ARHGAP23: variants seen among roughly 807,000 people sequenced by gnomAD.
ARHGAP23 encodes the protein Rho GTPase activating protein 23.
In ARHGAP23, 34 loss-of-function variants were observed where a neutral mutation model predicts 136.3. The observed-to-expected ratio is 0.25, with a 90% CI of 0.19 to 0.33. The LOEUF is 0.33. Among genes scored for constraint, ARHGAP23 ranks in the 10% least tolerant of loss-of-function variants. The pLI is 1.00. For missense variants in ARHGAP23, 1,808 were observed against 2,139.0 expected (o/e 0.85, Z 3.05); for synonymous variants, 832 against 920.5 (o/e 0.90, Z 1.74).
intron 16 of ARHGAP23, among the ~76,000 whole-genome samples, chr17:38,484,062 G>A (rs1485153528): frequency 6.6e-6 from 1 of 152,146 alleles, no homozygotes; most frequent in Non-Finnish European, 1.5e-5. Flanking sequence ...GGCATCGTGA[G>A]AACAAAGTTC....
intron 1 of ARHGAP23, among the ~76,000 whole-genome samples, chr17:38,422,123 C>T (rs558057159): frequency 1.3e-5 from 2 of 152,280 alleles, no homozygotes; most frequent in South Asian, 4.2e-4. Context: ...CCAGAGGGAT[C>T]ATTCGATAGA....
intron 20 of ARHGAP23, among the ~76,000 whole-genome samples, chr17:38,494,874 T>A (rs1198848281): frequency 1.3e-5 from 2 of 152,214 alleles, no homozygotes. Context: ...TTGAGAGCCG[T>A]GGCCACCCGG....
intron 6 of ARHGAP23, among the ~76,000 whole-genome samples, chr17:38,465,525 C>T (rs1224323401): frequency 2.0e-5 from 3 of 152,238 alleles, no homozygotes; most frequent in Non-Finnish European, 4.4e-5. Flanking sequence ...TGGGCGCTGG[C>T]CCTGTCACTC....
At chr17:38,426,110 C>T (rs189338119), upstream of ARHGAP23, among the ~76,000 whole-genome samples, 985 of 152,196 alleles carry the variant, frequency 6.5e-3, 10 homozygotes, top group African/African-American at 0.021. Context: ...CAGATGCCAA[C>T]CTTTCTCCCT....
At chr17:38,478,369 C>T (rs2039948426) in intron 12 of ARHGAP23, among the ~76,000 whole-genome samples, 1 of 151,518 alleles carries the variant, frequency 6.6e-6, no homozygotes, top group South Asian at 2.1e-4. Context: ...CCTTTGGCCA[C>T]AGGTGGGCAG....
intron 1 of ARHGAP23, chr17:38,450,729 A>C (rs2039141943): frequency 6.6e-6 from 1 of 152,230 alleles, no homozygotes; most frequent in African/African-American, 2.4e-5. Context: ...TGTAACTGAA[A>C]AACGGGTATC....
intron 1 of ARHGAP23, among the ~76,000 whole-genome samples, chr17:38,456,435 C>A (rs181183516): frequency 1.3e-5 from 2 of 152,332 alleles, no homozygotes; most frequent in African/African-American, 4.8e-5. Flanking sequence ...CACTCCAGAA[C>A]TGATGAGCTT....
chr17:38,495,605 C>G (rs569534797), intron 20 of ARHGAP23, among the ~76,000 whole-genome samples: 52 of 152,218 alleles, frequency 3.4e-4, no homozygotes, highest in African/African-American at 1.2e-3. Flanking sequence ...TCTGGCCTTC[C>G]TGTGCTGTTT....
intron 1 of ARHGAP23, among the ~76,000 whole-genome samples, chr17:38,455,781 A>G (rs537655950): frequency 6.6e-6 from 1 of 152,298 alleles, no homozygotes; most frequent in East Asian, 1.9e-4. Flanking sequence ...CTCCCTGATC[A>G]GTTCCTTGCC....
intron 23 of ARHGAP23, among the ~76,000 whole-genome samples, chr17:38,509,574 A>T (rs1229704152): frequency 6.6e-5 from 10 of 152,130 alleles, no homozygotes; most frequent in Non-Finnish European, 1.5e-4. Flanking sequence ...ATGACACCCC[A>T]GGGGCGTGTG....
intron 17 of ARHGAP23, chr17:38,489,872 A>G (rs2040234164): frequency 9.3e-6 from 5 of 535,272 alleles, no homozygotes; most frequent in Non-Finnish European, 1.7e-5. Flanking sequence ...CCAAATGAAC[A>G]CAGCTGGGCT....
intron 1 of ARHGAP23, among the ~76,000 whole-genome samples, chr17:38,441,865 G>A (rs1011799524): frequency 6.6e-6 from 1 of 152,156 alleles, no homozygotes; most frequent in Non-Finnish European, 1.5e-5. Context: ...CCCACGAGGA[G>A]GGCTCGTGGC....
intron 2 of ARHGAP23, among the ~76,000 whole-genome samples, 177 bp downstream of exon 2, chr17:38,458,440 A>G (rs2039383097): frequency 6.6e-6 from 1 of 152,142 alleles, no homozygotes; most frequent in Admixed American, 6.5e-5. Context: ...AGGCAGTGCC[A>G]GCCTTGGCTG....
intron 11 of ARHGAP23, among the ~76,000 whole-genome samples, chr17:38,472,436 T>C (rs2039783357): frequency 6.6e-6 from 1 of 152,028 alleles, no homozygotes; most frequent in Admixed American, 6.6e-5. Flanking sequence ...TCTCGGGGGC[T>C]CTTGCCAAGG....
chr17:38,442,167 C>G (rs377224158), intron 1 of ARHGAP23, among the ~76,000 whole-genome samples: 1 of 152,248 alleles, frequency 6.6e-6, no homozygotes, highest in African/African-American at 2.4e-5. Context: ...CTATGTTGAC[C>G]AGGCTGGTCT....
At chr17:38,442,924 G>C (rs2038950795) in intron 1 of ARHGAP23, among the ~76,000 whole-genome samples, 1 of 152,210 alleles carries the variant, frequency 6.6e-6, no homozygotes, top group Non-Finnish European at 1.5e-5. Context: ...GCAGACTCCA[G>C]AGACATCTAG....
intron 6 of ARHGAP23, among the ~76,000 whole-genome samples, chr17:38,463,734 T>G (rs1283431648): frequency 6.6e-6 from 1 of 152,024 alleles, no homozygotes; most frequent in Non-Finnish European, 1.5e-5. Flanking sequence ...CTGGTGGGTG[T>G]GTCCACACAG....
chr17:38,476,289 C>T (rs925451788), intron 11 of ARHGAP23, among the ~76,000 whole-genome samples: 25 of 152,044 alleles, frequency 1.6e-4, no homozygotes, highest in African/African-American at 5.3e-4. Context: ...TGGCGTGGAC[C>T]GGGTGGTGGC....
intron 1 of ARHGAP23, among the ~76,000 whole-genome samples, chr17:38,431,830 C>T (rs1020080523): frequency 6.6e-6 from 1 of 152,172 alleles, no homozygotes; most frequent in African/African-American, 2.4e-5. Flanking sequence ...CTTCTGACTC[C>T]CAGCTCCCAG....
Sources: gnomAD v4.1 joint callset for allele counts (sites outside exome capture counted in the v4.1 genomes callset) on GRCh38, gnomAD v4.1.1 for gene constraint, MANE v1.5 for transcripts, NCBI Gene and HGNC (gene_info 2026-07-23, HGNC 2026-07-21) for gene names.